Variants in PRAG1 observed in about 807,000 individuals in gnomAD.
PRAG1 encodes PEAK1 related, kinase-activating pseudokinase 1.
Under a neutral mutation model 95.6 loss-of-function variants are expected in PRAG1, and 110 were observed. The ratio of observed to expected loss-of-function variants is 1.15; its 90% CI spans 0.99 to 1.35. The LOEUF (loss-of-function observed/expected upper bound fraction) is 1.35, where lower values mean the gene tolerates loss of function less well. Ranked by LOEUF, PRAG1 falls within the 40% of genes most tolerant of loss-of-function variation. The probability of loss-of-function intolerance (pLI) is 0.00; values close to 1 mark genes in which losing one functional copy is unlikely to be tolerated. For missense variants in PRAG1, 2,554 were observed against 1,864.7 expected, an observed-to-expected ratio of 1.37 and a Z score of -6.81; for synonymous variants, 1,052 against 819.4, an observed-to-expected ratio of 1.28 and a Z score of -4.85.
chr8:8,375,823 C>A (rs73184350), intron 3 of PRAG1, among the ~76,000 whole-genome samples: 1,667 of 152,254 alleles, frequency 0.011, 14 homozygotes, highest in Admixed American at 0.02. Flanking sequence ...TCATACCCAG[C>A]CCTCCCTAAA....
chr8:8,373,927 G>A (rs1800296208), intron 3 of PRAG1, among the ~76,000 whole-genome samples: 1 of 152,136 alleles, frequency 6.6e-6, no homozygotes, highest in Admixed American at 6.5e-5. Context: ...CCCTACCTGA[G>A]TCATGTTGCT....
At chr8:8,353,399 A>C (rs1799586322) in intron 3 of PRAG1, among the ~76,000 whole-genome samples, 1 of 152,200 alleles carries the variant, frequency 6.6e-6, no homozygotes, top group Admixed American at 6.5e-5. Context: ...CAATAATATG[A>C]GGAATTTTGT....
intron 4 of PRAG1, among the ~76,000 whole-genome samples, chr8:8,333,515 T>G (rs942323804): frequency 6.6e-6 from 1 of 152,214 alleles, no homozygotes; most frequent in Non-Finnish European, 1.5e-5. Flanking sequence ...TTTCAGTGGT[T>G]GGGAAGAACA....
intron 3 of PRAG1, among the ~76,000 whole-genome samples, chr8:8,362,750 C>G (rs979730520): frequency 2.0e-5 from 3 of 152,202 alleles, no homozygotes; most frequent in Non-Finnish European, 4.4e-5. Context: ...AACGAAGAGA[C>G]ACAGGAATAT....
chr8:8,331,034 T>A (rs1798803418), intron 4 of PRAG1, among the ~76,000 whole-genome samples: 1 of 152,154 alleles, frequency 6.6e-6, no homozygotes, highest in African/African-American at 2.4e-5. Flanking sequence ...CAGCGAGGCG[T>A]CTGATTCTCA....
At chr8:8,324,982 T>A (rs1798588001) in intron 5 of PRAG1, among the ~76,000 whole-genome samples, 1 of 152,126 alleles carries the variant, frequency 6.6e-6, no homozygotes, top group Admixed American at 6.5e-5. Context: ...AAGGAGCAGG[T>A]GTGAGCCTGC....
At chr8:8,373,447 T>C (rs1282462015) in intron 3 of PRAG1, among the ~76,000 whole-genome samples, 1 of 148,318 alleles carries the variant, frequency 6.7e-6, no homozygotes, top group Non-Finnish European at 1.5e-5. Context: ...CTAATTTTAT[T>C]TTCTAGATTT....
At position 8,339,463 on chromosome 8, in the gene PRAG1, T is replaced by A. The variant is rs766208658; in HGVS notation, c.2320+15A>T. ...AGGAGAATCTAAGCCTCTCCGTCAATGTCAAGTTTGTTACCTCCATCGCTG... is the reference window on the plus strand; with the variant it reads ...AGGAGAATCTAAGCCTCTCCGTCAAAGTCAAGTTTGTTACCTCCATCGCTG... On this transcript the variant is annotated intron_variant, in intron 4 of 5. Coordinates refer to ENST00000615670, the MANE Select transcript of PRAG1 (RefSeq NM_001080826.3). 6.2e-7 allele frequency: 1 copy of A among 1,612,874 alleles called. No homozygotes were observed. The highest frequency in any genetic ancestry group is 1.7e-5 in the Admixed American group (1 of 60,016).
At position 8,328,098 on chromosome 8, in the gene PRAG1, G is replaced by A. The variant is rs555914877; in HGVS notation, c.2684C>T (p.Ala895Val). Residue 895 changes from alanine (A) to valine (V), a missense_variant, in exon 5 of 6, where the codon GCA becomes GTA. Coordinates refer to ENST00000615670, the MANE Select transcript of PRAG1 (RefSeq NM_001080826.3). The part of the protein sequence containing the change: ...AFKGSGHWLP[A>V]AGLAGNRGGC... The stretch of plus-strand genomic sequence containing the variant: ...GCCTCTGTTGCCCGCCAGCCCTGCT[G>A]CCGGAAGCCAGTGGCCACTGCCTTT... The A allele has an allele frequency of 3.1e-6, 5 of 1,611,658 alleles. No individual in the cohort carries two copies. The African/African-American group carries it at 4.0e-5, about 13-fold the overall frequency.
chr8:8,345,391 GA>G (rs1799307361), intron 3 of PRAG1, among the ~76,000 whole-genome samples: 1 of 150,232 alleles, frequency 6.7e-6, no homozygotes, highest in Non-Finnish European at 1.5e-5. Flanking sequence ...AAGAAAGAAA[GA>G]AAGAAAAAGA....
Position 8,377,447 on chromosome 8 carries a change from G to A in PRAG1, c.962C>T (p.Ser321Phe), listed in dbSNP as rs1206968636. Residue 321 changes from serine (S) to phenylalanine (F), a missense_variant, in exon 3 of 6, where the codon TCC (serine) becomes TTC (phenylalanine). Coordinates refer to ENST00000615670, the MANE Select transcript of PRAG1 (RefSeq NM_001080826.3). ...CCSQGPTAHP[S>F]CLGPKKLSLT... is the part of the protein sequence containing the mutation. ...GGACAGTTTCTTGGGGCCCAGGCAG[G>A]ATGGGTGGGCAGTGGGGCCCTGGCT... 1.3e-6 allele frequency: 2 copies of A among 1,554,252 alleles called. No homozygotes were observed. The highest frequency in any genetic ancestry group is 1.7e-6 in the Non-Finnish European group (2 of 1,151,172).
intron 3 of PRAG1, among the ~76,000 whole-genome samples, chr8:8,367,317 G>T (rs879861569): frequency 6.6e-6 from 1 of 151,562 alleles, no homozygotes; most frequent in Admixed American, 6.6e-5. Flanking sequence ...AATCAGCCAG[G>T]CATGGTGGCA....
Sources: allele counts gnomAD v4.1 joint callset (sites outside exome capture counted in the v4.1 genomes callset), GRCh38; gene constraint gnomAD v4.1.1; transcripts MANE v1.5; gene names NCBI Gene and HGNC (gene_info 2026-07-23, HGNC 2026-07-21).